Variants in SLC9A9 observed in about 807,000 individuals in gnomAD.
SLC9A9 encodes the protein sodium/hydrogen exchanger 9.
In SLC9A9, 62 loss-of-function variants were observed where a neutral mutation model predicts 77.8. The ratio of observed to expected loss-of-function variants is 0.80; its 90% CI spans 0.65 to 0.98. The LOEUF (loss-of-function observed/expected upper bound fraction) is 0.98. SLC9A9 is among the 50% of genes least tolerant of loss of function. SLC9A9 has a pLI of 0.00. For missense variants in SLC9A9, 775 were observed against 774.9 expected (o/e 1.00, Z 0.00); for synonymous variants, 320 against 283.5 (o/e 1.13, Z -1.29).
intron 4 of SLC9A9, among the ~76,000 whole-genome samples, chr3:143,724,799 G>A: frequency 6.6e-6 from 1 of 152,122 alleles, no homozygotes; most frequent in East Asian, 1.9e-4. Flanking sequence ...ACCTACCACA[G>A]AGTATTTAGA....
chr3:143,535,261 A>T (rs1214832726), intron 9 of SLC9A9, among the ~76,000 whole-genome samples: 1 of 152,238 alleles, frequency 6.6e-6, no homozygotes, highest in Non-Finnish European at 1.5e-5. Context: ...AAGACAGGTT[A>T]AAACACTTTA....
At chr3:143,412,699 T>C (rs547233561) in intron 12 of SLC9A9, among the ~76,000 whole-genome samples, 36 of 152,364 alleles carry the variant, frequency 2.4e-4, no homozygotes, top group Admixed American at 2.0e-3. Flanking sequence ...TTTAGCGCCA[T>C]CAGAGTTCTT....
chr3:143,550,436 A>G (rs1364576784), intron 9 of SLC9A9, among the ~76,000 whole-genome samples: 2 of 152,228 alleles, frequency 1.3e-5, no homozygotes, highest in South Asian at 2.1e-4. Flanking sequence ...GTCAGGGATC[A>G]GCTTGGCCTC....
chr3:143,276,252 G>A (rs1313443124), intron 14 of SLC9A9, among the ~76,000 whole-genome samples: 1 of 152,174 alleles, frequency 6.6e-6, no homozygotes. Context: ...TTCTAAGGAT[G>A]TTTTCAAAAA....
At chr3:143,489,214 A>G (rs918627922) in intron 11 of SLC9A9, among the ~76,000 whole-genome samples, 1 of 151,966 alleles carries the variant, frequency 6.6e-6, no homozygotes, top group African/African-American at 2.4e-5. Flanking sequence ...AAAACTACAA[A>G]ACATTACTGA....
chr3:143,410,585 G>T (rs1473005632), intron 12 of SLC9A9, among the ~76,000 whole-genome samples: 1 of 152,144 alleles, frequency 6.6e-6, no homozygotes, highest in Non-Finnish European at 1.5e-5. Flanking sequence ...TGCTGCTTCT[G>T]TATCTCAGGA....
At chr3:143,645,574 C>T (rs930288196) in intron 6 of SLC9A9, among the ~76,000 whole-genome samples, 1 of 152,170 alleles carries the variant, frequency 6.6e-6, no homozygotes, top group African/African-American at 2.4e-5. Flanking sequence ...TCCACGGTTG[C>T]TTGAGTCTTA....
At chr3:143,622,393 C>G (rs1316574245) in intron 6 of SLC9A9, among the ~76,000 whole-genome samples, 2 of 152,194 alleles carry the variant, frequency 1.3e-5, no homozygotes, top group African/African-American at 4.8e-5. Flanking sequence ...CAAAGGGAAG[C>G]CCATCAGACT....
At chr3:143,623,988 T>C (rs1168271455) in intron 6 of SLC9A9, among the ~76,000 whole-genome samples, 1 of 152,060 alleles carries the variant, frequency 6.6e-6, no homozygotes, top group South Asian at 2.1e-4. Flanking sequence ...TATAAACACC[T>C]CTATGCAAAT....
intron 2 of SLC9A9, among the ~76,000 whole-genome samples, chr3:143,815,785 G>A (rs989161539): frequency 6.6e-6 from 1 of 152,126 alleles, no homozygotes; most frequent in Non-Finnish European, 1.5e-5. Flanking sequence ...AGAATCGCTT[G>A]AACCTGGGAG....
At chr3:143,517,880 T>A in intron 9 of SLC9A9, 2 of 1,561,464 alleles carry the variant, frequency 1.3e-6, no homozygotes, top group African/African-American at 1.4e-5. Flanking sequence ...AGCCACTTTT[T>A]AATCATTTGC....
chr3:143,848,466 C>G lies in SLC9A9; in HGVS notation c.-144G>C, dbSNP rs2009878199. 2.9e-6 allele frequency: 3 copies of G among 1,049,016 alleles called. No individual in the cohort carries two copies. Among genetic ancestry groups the G allele is most frequent in the African/African-American group, 3.2e-5 (2 of 62,958 alleles). The allele number at this position is 1,049,016 out of a possible 1,614,324, so 65.0% of individuals were successfully genotyped here. ...CTACTTCACAAGCATTCTGCCCTGG[C>G]TTAGTATTCAGATGGCTTCTAGTTA... On this transcript the variant is annotated 5_prime_UTR_variant, in exon 1 of 16. Coordinates refer to ENST00000316549, the MANE Select transcript of SLC9A9 (RefSeq NM_173653.4).
intron 12 of SLC9A9, among the ~76,000 whole-genome samples, chr3:143,419,490 G>T (rs551106757): frequency 8.5e-4 from 129 of 152,126 alleles, no homozygotes; most frequent in South Asian, 2.1e-3. Flanking sequence ...TTTATAATAG[G>T]CCCCATCTAC....
intron 14 of SLC9A9, among the ~76,000 whole-genome samples, chr3:143,317,674 ATGTTC>A (rs2031261884): frequency 2.4e-5 from 1 of 42,222 alleles, no homozygotes; most frequent in Non-Finnish European, 4.7e-5. Flanking sequence ...CAGGTTTGAA[ATGTTC>A]TATGTTCCAT....
At chr3:143,655,140 C>T (rs368655726) in intron 5 of SLC9A9, among the ~76,000 whole-genome samples, 20 of 152,284 alleles carry the variant, frequency 1.3e-4, no homozygotes, top group Admixed American at 5.9e-4. Flanking sequence ...GGAAATTAGC[C>T]ACCCACTCTG....
At chr3:143,633,629 A>G (rs1274617718) in intron 6 of SLC9A9, among the ~76,000 whole-genome samples, 2 of 152,204 alleles carry the variant, frequency 1.3e-5, no homozygotes, top group African/African-American at 2.4e-5. Context: ...TGTAAGGTAG[A>G]TTGCTAGAAG....
rs1553757964 is a variant in SLC9A9, at chr3:143,467,278, A to AT, written c.1316-89dup. The AT allele has an allele frequency of 4.2e-6, 6 of 1,429,646 alleles. No homozygotes were observed. In the East Asian group the frequency reaches 9.8e-5, roughly 23 times the overall value. 88.6% of individuals were successfully genotyped at this position (1,429,646 alleles called of 1,614,324 possible). On this transcript the variant is annotated intron_variant, in intron 11 of 15. Transcript: ENST00000316549. ...TTCATCTTTACAATTTGCTGACACA[A>AT]TTTTTTTAAATTAATCTTTTTATTT...
chr3:143,469,957 G>A (rs1039039301), intron 11 of SLC9A9, among the ~76,000 whole-genome samples: 8 of 152,156 alleles, frequency 5.3e-5, no homozygotes, highest in African/African-American at 1.9e-4. Context: ...AGAAGTATTT[G>A]TGCATTCATA....
intron 8 of SLC9A9, among the ~76,000 whole-genome samples, chr3:143,569,748 A>C (rs1248060674): frequency 6.6e-6 from 1 of 151,958 alleles, no homozygotes; most frequent in East Asian, 1.9e-4. Context: ...AGGTACAAGC[A>C]CAAATTGGAG....
Sources: gnomAD v4.1 joint callset for allele counts (sites outside exome capture counted in the v4.1 genomes callset) on GRCh38, gnomAD v4.1.1 for gene constraint, MANE v1.5 for transcripts, NCBI Gene and HGNC (gene_info 2026-07-23, HGNC 2026-07-21) for gene names.